NDUFS1: variants seen among roughly 807,000 people sequenced by gnomAD.
NDUFS1 encodes the protein NADH:ubiquinone oxidoreductase core subunit S1.
Under a neutral mutation model 84.4 loss-of-function variants are expected in NDUFS1, and 61 were observed. That is an observed-to-expected ratio of 0.72 (90% CI 0.59 to 0.89). NDUFS1 has a LOEUF of 0.89. Among genes scored for constraint, NDUFS1 ranks in the 40% least tolerant of loss-of-function variants. The pLI, the probability that NDUFS1 is intolerant of heterozygous loss-of-function variation, is 0.00. For synonymous variants in NDUFS1, 275 were observed against 290.0 expected, an observed-to-expected ratio of 0.95 and a Z score of 0.53; for missense variants, 891 against 890.0, an observed-to-expected ratio of 1.00 and a Z score of -0.01.
At chr2:206,145,091 T>C in intron 8 of NDUFS1, 65 bp from the exon 9 acceptor site, 1 of 1,505,162 alleles carries the variant, frequency 6.6e-7, no homozygotes. Flanking sequence ...TGTTACCTGG[T>C]TTACCAAAAA....
chr2:206,117,963 A>G lies in NDUFS1; in HGVS notation c.*6222T>C, dbSNP rs1690996687. 1 of 152,230 alleles carries G rather than the reference A, an allele frequency of 6.6e-6. No homozygotes were observed. Among genetic ancestry groups the G allele is most frequent in the African/African-American group, 2.4e-5 (1 of 41,460 alleles). 9.4% of individuals were successfully genotyped at this position (152,230 alleles called of 1,614,324 possible). ...TCTTTAGGTGCCAATACTGTAAATT[A>G]ATCACCAGTCTCAGATCATATATTT... On this transcript the variant is annotated 3_prime_UTR_variant, in exon 19 of 19. Coordinates refer to ENST00000233190, the MANE Select transcript of NDUFS1 (RefSeq NM_005006.7).
At chr2:206,156,962 T>C (rs1438375190) in intron 1 of NDUFS1, among the ~76,000 whole-genome samples, 3 of 152,218 alleles carry the variant, frequency 2.0e-5, no homozygotes, top group African/African-American at 7.2e-5. Flanking sequence ...ACAATCAGTA[T>C]GTGTGTGTGT....
Position 206,127,969 on chromosome 2 carries a change from T to A in NDUFS1, c.1712A>T (p.His571Leu), listed in dbSNP as rs1559043062. ...TATGGGAGCCCCAACATCACCATGA[T>A]GTCCTGCACAAAGATGGAAAATGGT... ...PKDCFIIYQG[H>L]HGDVGAPIAD... The change falls in exon 16 of 19, where the codon CAT becomes CTT. Residue 571 changes from histidine (H) to leucine (L), a missense_variant. Transcript: ENST00000233190. The A allele has an allele frequency of 6.2e-7, 1 of 1,614,130 alleles. No homozygotes were observed. Among genetic ancestry groups the A allele is most frequent in the Non-Finnish European group, 8.5e-7 (1 of 1,179,996 alleles).
chr2:206,143,613 G>A (rs1007172428), intron 10 of NDUFS1, among the ~76,000 whole-genome samples: 4 of 149,958 alleles, frequency 2.7e-5, no homozygotes, highest in South Asian at 2.1e-4. Flanking sequence ...ATGGAGTCTC[G>A]CTGTGTCACC....
In NDUFS1 at chr2:206,141,966, G is replaced by C. The variant is rs1217696826; in HGVS notation, c.1237C>G (p.Leu413Val). 6.2e-7 allele frequency: 1 copy of C among 1,610,894 alleles called. No homozygotes were observed. The highest frequency in any genetic ancestry group is 1.7e-5 in the Admixed American group (1 of 60,004). The change falls in exon 12 of 19, where the codon CTG (leucine) becomes GTG (valine). Residue 413 changes from leucine to valine, a missense_variant. By Grantham distance (32) the Leu-to-Val change is conservative (BLOSUM62 1). Transcript: ENST00000233190. ...CTCTTTCGAATTCTAGCATTAAACA[G>C]TGGTGCCTCAAAACGTGGGTTTGTA... ...VGTNPRFEAP[L>V]FNARIRKSWL...
intron 15 of NDUFS1, among the ~76,000 whole-genome samples, chr2:206,128,878 G>C (rs1317286744): frequency 1.3e-5 from 2 of 151,732 alleles, no homozygotes; most frequent in Non-Finnish European, 2.9e-5. Flanking sequence ...ATATAAAATA[G>C]CCAAGTAAGT....
intron 3 of NDUFS1, 30 bp from the exon 4 acceptor site, chr2:206,149,955 A>G: frequency 2.2e-6 from 3 of 1,363,992 alleles, no homozygotes; most frequent in Admixed American, 3.5e-5. Context: ...AAAAAAAAAA[A>G]AAAGCATTAG....
Position 206,134,734 on chromosome 2 carries a change from T to C in NDUFS1, c.1393-1629A>G, listed in dbSNP as rs557142951. Among the ~76,000 whole-genome samples the C allele has an allele frequency of 3.1e-4, 47 of 152,206 alleles. No individual in the cohort carries two copies. The South Asian group carries it at 5.0e-3, about 16-fold the overall frequency. On this transcript the variant is annotated intron_variant, in intron 13 of 18. Transcript: ENST00000233190. Reference sequence around the variant, plus strand: ...GCTCATGCTTGTAATCCCAACACTTTAGAAGGCTGAGGTGGGAGAATTGCT... The same window carrying C: ...GCTCATGCTTGTAATCCCAACACTTCAGAAGGCTGAGGTGGGAGAATTGCT...
At chr2:206,136,441 T>G (rs1691718874) in intron 13 of NDUFS1, among the ~76,000 whole-genome samples, 2 of 149,122 alleles carry the variant, frequency 1.3e-5, no homozygotes, top group African/African-American at 4.9e-5. Context: ...TTTTTTTGTT[T>G]TTTTTTTTTT....
At chr2:206,127,537 T>C (rs954970634) in intron 16 of NDUFS1, 2 of 378,698 alleles carry the variant, frequency 5.3e-6, no homozygotes, top group Non-Finnish European at 9.6e-6. Context: ...TAAAATAAAA[T>C]AAAAGCACCA....
intron 11 of NDUFS1, 39 bp from the exon 12 acceptor site, chr2:206,142,108 A>G (rs2105967177): frequency 6.6e-7 from 1 of 1,515,976 alleles, no homozygotes; most frequent in Middle Eastern, 1.7e-4. Context: ...TTACTTTAAA[A>G]TTAAGACATA....
chr2:206,146,895 A>G lies in NDUFS1; in HGVS notation c.737+8T>C. 3 of 1,612,392 alleles carry G rather than the reference A, an allele frequency of 1.9e-6. No homozygotes were observed. Among genetic ancestry groups the G allele is most frequent in the Non-Finnish European group, 2.5e-6 (3 of 1,178,520 alleles). ...CAAAAAAACAAATTGTCATAAAATA[A>G]AAGATACCTTGTTTCCCAAGGCCGG... On this transcript the variant is annotated splice_region_variant and intron_variant, in intron 8 of 18. Transcript: ENST00000233190.
At chr2:206,136,143 T>C (rs1245494440) in intron 13 of NDUFS1, among the ~76,000 whole-genome samples, 2 of 151,410 alleles carry the variant, frequency 1.3e-5, no homozygotes, top group Admixed American at 1.3e-4. Context: ...CTCTGCCTCC[T>C]GGGTTCAAGT....
chr2:206,133,268 A>G (rs1485033653), intron 13 of NDUFS1, among the ~76,000 whole-genome samples, 163 bp from the exon 14 acceptor site: 2 of 152,242 alleles, frequency 1.3e-5, no homozygotes, highest in African/African-American at 2.4e-5. Flanking sequence ...AACCAGATTT[A>G]GTTTAATCCA....
chr2:206,143,144 C>G (rs145163183), intron 10 of NDUFS1, among the ~76,000 whole-genome samples: 1 of 152,070 alleles, frequency 6.6e-6, no homozygotes, highest in African/African-American at 2.4e-5. Context: ...CCCAGCTGCT[C>G]GGGAGGATGA....
chr2:206,146,970 C>G lies in NDUFS1; in HGVS notation c.670G>C (p.Asp224His). 6.2e-7 allele frequency: 1 copy of G among 1,614,072 alleles called. No individual in the cohort carries two copies. Among genetic ancestry groups the G allele is most frequent in the Non-Finnish European group, 8.5e-7 (1 of 1,179,978 alleles). ...FMSELSGNII[D>H]ICPVGALTSK... ...GTTAGGGCACCTACAGGGCAGATAT[C>G]AATGATATTCCCAGACAGTTCAGAC... is the stretch of plus-strand genomic sequence containing the variant. The change falls in exon 8 of 19, where the codon GAT becomes CAT. Residue 224 changes from aspartate to histidine, a missense_variant. Coordinates refer to ENST00000233190, the MANE Select transcript of NDUFS1 (RefSeq NM_005006.7).
rs1691189583 is a variant in NDUFS1, at chr2:206,124,135, A to G, written c.*50T>C. On this transcript the variant is annotated 3_prime_UTR_variant, in exon 19 of 19. Transcript: ENST00000233190. ...TAAACCTGTAAAGGATCACTGCACT[A>G]CAGTTGTCCATTAATTATCTGCGGC... is the stretch of plus-strand genomic sequence containing the variant. 1 of 1,139,730 alleles carries G rather than the reference A, an allele frequency of 8.8e-7. No homozygotes were observed. The highest frequency in any genetic ancestry group is 1.3e-6 in the Non-Finnish European group (1 of 746,660). 70.6% of individuals were successfully genotyped at this position (1,139,730 alleles called of 1,614,324 possible). A position where few individuals can be genotyped will look rare whatever the true frequency, so the allele number is the denominator to read the frequency against.
In NDUFS1 at chr2:206,152,436, C is replaced by A; in HGVS notation, c.136G>T (p.Gly46Ter). 2 of 1,614,054 alleles carry A rather than the reference C, an allele frequency of 1.2e-6. No individual in the cohort carries two copies. Among genetic ancestry groups the A allele is most frequent in the Non-Finnish European group, 1.7e-6 (2 of 1,179,956 alleles). The change falls in exon 3 of 19, where the codon GGA becomes TGA. Residue 46 changes from glycine (G) to a stop codon, truncating the protein, a stop_gained. Coordinates refer to ENST00000233190, the MANE Select transcript of NDUFS1 (RefSeq NM_005006.7). LOFTEE classifies it high-confidence loss of function. ...ATGCCTACTTGGAGGACGGTCGTTC[C>A]CGGTTCCACCATGACAGACTGACCA... ...VDGQSVMVEP[G>*]TTVLQACEKV... is the part of the protein sequence containing the mutation.
intron 17 of NDUFS1, 32 bp from the exon 18 acceptor site, chr2:206,126,643 TG>T: frequency 4.3e-6 from 7 of 1,614,036 alleles, no homozygotes; most frequent in Non-Finnish European, 5.9e-6. Context: ...AACAATAATA[TG>T]GAAAACTAGT....
Sources: allele counts gnomAD v4.1 joint callset (sites outside exome capture counted in the v4.1 genomes callset), GRCh38; gene constraint gnomAD v4.1.1; transcripts MANE v1.5; gene names NCBI Gene and HGNC (gene_info 2026-07-23, HGNC 2026-07-21).